RGS3: variants seen among roughly 807,000 people sequenced by gnomAD.
RGS3 encodes the protein regulator of G protein signaling 3.
In RGS3, 80 loss-of-function variants were observed where a neutral mutation model predicts 132.6. The ratio of observed to expected loss-of-function variants is 0.60; its 90% confidence interval spans 0.50 to 0.73. RGS3 has a LOEUF of 0.73. RGS3 is among the 30% of genes least tolerant of loss of function. The pLI, the probability that RGS3 is intolerant of heterozygous loss-of-function variation, is 0.00. For missense variants in RGS3, 1,382 were observed against 1,530.8 expected (o/e 0.90, Z 1.62); for synonymous variants, 598 against 620.6 (o/e 0.96, Z 0.54).
At chr9:113,515,493 C>T (rs193132526) in intron 15 of RGS3, among the ~76,000 whole-genome samples, 20 of 151,844 alleles carry the variant, frequency 1.3e-4, no homozygotes, top group Admixed American at 7.2e-4. Context: ...TAGCTGGGTG[C>T]GGTGGCAGGC....
intron 3 of RGS3, among the ~76,000 whole-genome samples, chr9:113,469,900 G>GTTT: frequency 2.3e-5 from 3 of 129,872 alleles, no homozygotes; most frequent in South Asian, 2.4e-4. Flanking sequence ...GCATATAGTT[G>GTTT]TTTTTTTTTT....
chr9:113,495,172 G>A (rs1383732015), intron 7 of RGS3, among the ~76,000 whole-genome samples: 1 of 152,212 alleles, frequency 6.6e-6, no homozygotes, highest in East Asian at 1.9e-4. Flanking sequence ...ACCGTGCCCA[G>A]CTGTGAATTC....
chr9:113,559,590 A>G (rs1323220163), intron 19 of RGS3, among the ~76,000 whole-genome samples: 1 of 152,182 alleles, frequency 6.6e-6, no homozygotes, highest in East Asian at 1.9e-4. Context: ...AGTTGCTGAG[A>G]AAGAGGCAGA....
Position 113,579,079 on chromosome 9 carries a change from C to A in RGS3, c.2038-4371C>A, listed in dbSNP as rs1010558602. Among the ~76,000 whole-genome samples the A allele has an allele frequency of 8.4e-6, 1 of 118,588 alleles. No homozygotes were observed. Among genetic ancestry groups the A allele is most frequent in the Non-Finnish European group, 1.8e-5 (1 of 55,386 alleles). 77.8% of individuals were successfully genotyped at this position (118,588 alleles called of 152,430 possible). A position where few individuals can be genotyped will look rare whatever the true frequency, so the allele number is the denominator to read the frequency against. ...GACAGAGGCAAACCCCAGTTTACAC[C>A]CCCCCAGTGCAGGAAGTGGTTTTCG... On this transcript the variant is annotated intron_variant, in intron 19 of 24. Transcript: ENST00000350696. The surrounding 1 kb of genome is among the most constrained non-coding windows in gnomAD (Gnocchi z 4.3).
chr9:113,511,033 T>A (rs1043333250), intron 14 of RGS3, among the ~76,000 whole-genome samples: 1 of 152,166 alleles, frequency 6.6e-6, no homozygotes, highest in Admixed American at 6.5e-5. Context: ...TGTTGGGTCA[T>A]CCTGAGTTGA....
chr9:113,516,808 C>T (rs896703847), intron 15 of RGS3, among the ~76,000 whole-genome samples: 4 of 151,182 alleles, frequency 2.6e-5, no homozygotes, highest in Non-Finnish European at 4.4e-5. Context: ...ATGATCCTTC[C>T]ACCTCAGCCT....
chr9:113,456,322 G>A (rs1829361581), upstream of RGS3, among the ~76,000 whole-genome samples: 1 of 152,134 alleles, frequency 6.6e-6, no homozygotes, highest in Non-Finnish European at 1.5e-5. Context: ...CTGTTCACTT[G>A]ACATCTTCAC....
intron 18 of RGS3, among the ~76,000 whole-genome samples, chr9:113,531,177 G>A (rs1832447725): frequency 6.6e-6 from 1 of 152,194 alleles, no homozygotes; most frequent in African/African-American, 2.4e-5. Context: ...CTGGACAGGT[G>A]TGTTTCTCAG....
intron 17 of RGS3, among the ~76,000 whole-genome samples, chr9:113,527,526 T>C (rs1257492393): frequency 6.6e-6 from 1 of 152,126 alleles, no homozygotes; most frequent in Non-Finnish European, 1.5e-5. Context: ...TAGGCAGGAC[T>C]CCCTCCCTCC....
At chr9:113,561,466 G>A (rs1833781752) in intron 19 of RGS3, among the ~76,000 whole-genome samples, 1 of 151,736 alleles carries the variant, frequency 6.6e-6, no homozygotes, top group Non-Finnish European at 1.5e-5. Flanking sequence ...TGGGAGTGCA[G>A]TGGCACAATT....
intron 19 of RGS3, chr9:113,541,189 G>C (rs1237779827): frequency 1.1e-6 from 1 of 876,854 alleles, no homozygotes; most frequent in Non-Finnish European, 1.8e-6. Context: ...TCTCCACTGG[G>C]GCCACTAGAG....
chr9:113,557,637 C>T (rs112847730), intron 19 of RGS3, among the ~76,000 whole-genome samples: 5,937 of 152,274 alleles, frequency 0.039, 159 homozygotes, highest in South Asian at 0.09. Flanking sequence ...CAGCATGGTC[C>T]TCACCCCACA....
upstream of RGS3, among the ~76,000 whole-genome samples, chr9:113,456,893 G>A (rs1024561361): frequency 2.0e-5 from 3 of 151,946 alleles, no homozygotes; most frequent in African/African-American, 7.3e-5. Flanking sequence ...CTCTGCCTCC[G>A]GGTTCAAGCC....
chr9:113,447,967 C>T (rs1416818494), intron 1 of RGS3, among the ~76,000 whole-genome samples: 1 of 151,982 alleles, frequency 6.6e-6, no homozygotes, highest in East Asian at 1.9e-4. Flanking sequence ...AAGCTATTCC[C>T]CCATCTCAGC....
At chr9:113,558,988 T>TG (rs1471124220) in intron 19 of RGS3, among the ~76,000 whole-genome samples, 2 of 152,152 alleles carry the variant, frequency 1.3e-5, no homozygotes, top group Middle Eastern at 6.3e-3. Context: ...TTGGAGGTGG[T>TG]GGGGGGGATT....
intron 1 of RGS3, among the ~76,000 whole-genome samples, chr9:113,446,646 C>T (rs1829105492): frequency 6.6e-6 from 1 of 152,194 alleles, no homozygotes; most frequent in Non-Finnish European, 1.5e-5. Context: ...AGAGAAGGGT[C>T]TGTGCCTATT....
chr9:113,541,286 A>G (rs1245550092), intron 19 of RGS3: 5 of 1,604,522 alleles, frequency 3.1e-6, no homozygotes, highest in Non-Finnish European at 4.3e-6. Context: ...CTGAGTAGAC[A>G]GCGAGCTAAT....
chr9:113,565,160 A>G lies in RGS3; in HGVS notation c.2038-18290A>G, dbSNP rs1399511866. ...ATGAGCCACAGGGGACCCACAGCCT[A>G]TGCGTGTGAGCATGTAACCCGGGAG... On this transcript the variant is annotated intron_variant, in intron 19 of 24. Coordinates refer to ENST00000350696, the Ensembl canonical transcript of RGS3. The surrounding 1 kb of genome is among the most constrained non-coding windows in gnomAD (Gnocchi z 5.7). The G allele has an allele frequency of 4.1e-6, 5 of 1,219,630 alleles. No individual in the cohort carries two copies. The African/African-American group carries it at 7.9e-5, about 19-fold the overall frequency. 75.6% of individuals were successfully genotyped at this position (1,219,630 alleles called of 1,614,324 possible).
intron 19 of RGS3, among the ~76,000 whole-genome samples, chr9:113,540,967 AAAG>A (rs1398348572): frequency 6.6e-6 from 1 of 152,210 alleles, no homozygotes; most frequent in African/African-American, 2.4e-5. Flanking sequence ...TCATGGTTTT[AAAG>A]TGCTGTCCAT....
Sources: allele counts gnomAD v4.1 joint callset (sites outside exome capture counted in the v4.1 genomes callset), GRCh38; gene constraint gnomAD v4.1.1; non-coding constraint Gnocchi (gnomAD v3.1); transcripts MANE v1.5; gene names NCBI Gene and HGNC (gene_info 2026-07-23, HGNC 2026-07-21).